The following BACH1 variants were observed in gnomAD, a reference collection of about 807,000 sequenced individuals.
BACH1 encodes BTB domain and CNC homolog 1, also known as transcription regulator protein BACH1.
Under a neutral mutation model 52.9 loss-of-function variants are expected in BACH1, and 35 were observed. The observed-to-expected ratio is 0.66, with a 90% CI of 0.51 to 0.88. The LOEUF (loss-of-function observed/expected upper bound fraction) is 0.88. Ranked by LOEUF, BACH1 falls within the 40% of genes least tolerant of loss-of-function variation. The probability of loss-of-function intolerance (pLI) is 0.00; values close to 1 mark genes in which losing one functional copy is unlikely to be tolerated. For missense variants in BACH1, 808 were observed against 872.6 expected (o/e 0.93, Z 0.93); for synonymous variants, 321 against 319.6 (o/e 1.00, Z -0.05).
At chr21:29,305,676 T>C (rs1294841191) in intron 1 of BACH1, among the ~76,000 whole-genome samples, 1 of 152,224 alleles carries the variant, frequency 6.6e-6, no homozygotes, top group East Asian at 1.9e-4. Context: ...ACTGTGTTTT[T>C]AAGTTTCAAG....
chr21:29,353,010 G>C (rs1220156635), intron 2 of BACH1, among the ~76,000 whole-genome samples: 1 of 152,118 alleles, frequency 6.6e-6, no homozygotes, highest in Non-Finnish European at 1.5e-5. Context: ...ACTGTGTCCA[G>C]CCTAATTTTT....
chr21:29,331,461 A>G (rs969845770), intron 4 of BACH1, among the ~76,000 whole-genome samples: 15 of 152,358 alleles, frequency 9.8e-5, no homozygotes, highest in African/African-American at 3.4e-4. Flanking sequence ...AGTAGCTATT[A>G]TCCTTTAGAA....
At chr21:29,350,947 T>C (rs2089198773), downstream of BACH1, among the ~76,000 whole-genome samples, 1 of 152,200 alleles carries the variant, frequency 6.6e-6, no homozygotes, top group Non-Finnish European at 1.5e-5. Flanking sequence ...AGCGGGAACA[T>C]AGGTTCAGGT....
chr21:29,305,330 C>T (rs920438734), intron 1 of BACH1: 3 of 152,032 alleles, frequency 2.0e-5, no homozygotes, highest in South Asian at 2.1e-4. Context: ...CATGTAATTA[C>T]GATTAACTTT....
At chr21:29,332,909 A>C (rs1158409475) in intron 4 of BACH1, among the ~76,000 whole-genome samples, 2 of 152,182 alleles carry the variant, frequency 1.3e-5, no homozygotes, top group Non-Finnish European at 2.9e-5. Flanking sequence ...TGTCTCCTGC[A>C]CCTAGATAGG....
chr21:29,331,674 T>G (rs2088984471), intron 4 of BACH1, among the ~76,000 whole-genome samples: 2 of 152,130 alleles, frequency 1.3e-5, no homozygotes, highest in Admixed American at 1.3e-4. Flanking sequence ...AATCAGATGC[T>G]TAGTAACTTT....
At chr21:29,308,154 C>T (rs1177904298) in intron 1 of BACH1, among the ~76,000 whole-genome samples, 2 of 152,120 alleles carry the variant, frequency 1.3e-5, no homozygotes, top group Non-Finnish European at 1.5e-5. Flanking sequence ...TTGGCTGAAT[C>T]TTGTGGTTAT....
chr21:29,346,247 ATCT>A (rs1044243924), downstream of BACH1: 6 of 150,410 alleles, frequency 4.0e-5, no homozygotes, highest in Non-Finnish European at 5.9e-5. Context: ...GTAGGAGAGA[ATCT>A]TTCCTTAGTT....
chr21:29,309,827 T>C (rs924199073), intron 1 of BACH1, among the ~76,000 whole-genome samples: 2 of 152,222 alleles, frequency 1.3e-5, no homozygotes, highest in Non-Finnish European at 2.9e-5. Flanking sequence ...TGATTTCCTG[T>C]TGTCCCTAAT....
At position 29,326,553 on chromosome 21, in the gene BACH1, A is replaced by G. The variant is rs34811108; in HGVS notation, c.729A>G (p.Glu243=). ...AFGTDRVRTG[E]SSVKDIHASV... The stretch of plus-strand genomic sequence containing the variant: ...GAACTGACAGAGTCCGTACTGGGGA[A>G]TCTAGTGTCAAAGACATTCATGCTT... The change falls in exon 3 of 5, where the codon GAA becomes GAG. Residue 243 remains glutamate (E), a synonymous_variant. Transcript: ENST00000286800. 1 of 1,614,212 alleles carries G rather than the reference A, an allele frequency of 6.2e-7. No homozygotes were observed. The highest frequency in any genetic ancestry group is 2.2e-5 in the East Asian group (1 of 44,890).
downstream of BACH1, among the ~76,000 whole-genome samples, chr21:29,349,739 C>G (rs2089191573): frequency 6.6e-6 from 1 of 152,156 alleles, no homozygotes; most frequent in African/African-American, 2.4e-5. Flanking sequence ...TTGGGTGCAC[C>G]AGGTACCGTG....
Position 29,326,534 on chromosome 21 carries a change from A to G in BACH1, c.710A>G (p.Asp237Gly). ...AAATTCCAAAAAGCATTTGGAACTG[A>G]CAGAGTCCGTACTGGGGAATCTAGT... is the stretch of plus-strand genomic sequence containing the variant. ...YRKFQKAFGT[D>G]RVRTGESSVK... Residue 237 changes from aspartate (D) to glycine (G), a missense_variant, in exon 3 of 5, where the codon GAC becomes GGC. Transcript: ENST00000286800. 6.2e-7 allele frequency: 1 copy of G among 1,614,236 alleles called. No homozygotes were observed. The highest frequency in any genetic ancestry group is 1.1e-5 in the South Asian group (1 of 91,084).
In BACH1 at chr21:29,343,061, A is replaced by T; in HGVS notation, c.*228A>T. On this transcript the variant is annotated 3_prime_UTR_variant, in exon 5 of 5. Coordinates refer to ENST00000286800, the MANE Select transcript of BACH1 (RefSeq NM_001186.4). ...AGAAAAATCCATGTGAAAATGTAGT[A>T]AACCTTTAAAACTCATGTTTTAAAG... The T allele has an allele frequency of 2.5e-6, 1 of 404,780 alleles. No individual in the cohort carries two copies. The highest frequency in any genetic ancestry group is 4.4e-6 in the Non-Finnish European group (1 of 227,164). 25.1% of individuals were successfully genotyped at this position (404,780 alleles called of 1,614,324 possible). A position where few individuals can be genotyped will look rare whatever the true frequency, so the allele number is the denominator to read the frequency against.
intron 2 of BACH1, chr21:29,359,076 C>CATA (rs1049184410): frequency 6.6e-6 from 1 of 151,614 alleles, no homozygotes; most frequent in African/African-American, 2.4e-5. Context: ...ATTATTAATC[C>CATA]ATAATAATAA....
chr21:29,348,884 G>A (rs916277899), downstream of BACH1, among the ~76,000 whole-genome samples: 7 of 152,090 alleles, frequency 4.6e-5, no homozygotes, highest in Admixed American at 1.3e-4. Flanking sequence ...CACGAGGTCA[G>A]GAGATTGAGA....
chr21:29,327,957 TTTAA>T (rs2088934918), intron 3 of BACH1, among the ~76,000 whole-genome samples: 1 of 152,248 alleles, frequency 6.6e-6, no homozygotes. Flanking sequence ...ACATCGGCCA[TTTAA>T]TTGTTTAAAT....
Position 29,327,075 on chromosome 21 carries a change from A to G in BACH1, c.1251A>G (p.Ser417=), listed in dbSNP as rs1030605246. The G allele has an allele frequency of 6.2e-7, 1 of 1,614,212 alleles. No homozygotes were observed. Among genetic ancestry groups the G allele is most frequent in the South Asian group, 1.1e-5 (1 of 91,084 alleles). ...ACACTCCTTGCCAAATGCAGTTATC[A>G]CCTGCTGTGGCCAAAGATGGCTCAG... ...STDTPCQMQL[S]PAVAKDGSEQ... is the part of the protein sequence containing the mutation. Residue 417 remains serine, a synonymous_variant, in exon 3 of 5, where the codon TCA becomes TCG. Transcript: ENST00000286800.
chr21:29,328,320 T>A (rs2088939086), intron 3 of BACH1, among the ~76,000 whole-genome samples: 1 of 152,228 alleles, frequency 6.6e-6, no homozygotes, highest in Admixed American at 6.5e-5. Context: ...ATAGATCCTT[T>A]CTGTAAAATA....
At chr21:29,332,952 A>AGTTGT (rs1432851846) in intron 4 of BACH1, among the ~76,000 whole-genome samples, 1 of 152,090 alleles carries the variant, frequency 6.6e-6, no homozygotes, top group African/African-American at 2.4e-5. Context: ...ACCCCAGAGA[A>AGTTGT]GTTGTGTTGG....
Sources: allele counts gnomAD v4.1 joint callset (sites outside exome capture counted in the v4.1 genomes callset), GRCh38; gene constraint gnomAD v4.1.1; transcripts MANE v1.5; gene names NCBI Gene and HGNC (gene_info 2026-07-23, HGNC 2026-07-21).